Variants in FILIP1 observed in about 807,000 individuals in gnomAD.
The protein encoded by FILIP1 is filamin-A-interacting protein 1.
A neutral mutation model predicts 102.1 loss-of-function variants in FILIP1; 61 were observed. The ratio of observed to expected loss-of-function variants is 0.60; its 90% CI spans 0.49 to 0.74. FILIP1 has a LOEUF of 0.74. Ranked by LOEUF, FILIP1 falls within the 30% of genes least tolerant of loss-of-function variation. The pLI is 0.00. For synonymous variants in FILIP1, 491 were observed against 526.9 expected, an observed-to-expected ratio of 0.93 and a Z score of 0.93; for missense variants, 1,314 against 1,441.2, an observed-to-expected ratio of 0.91 and a Z score of 1.43.
downstream of FILIP1, among the ~76,000 whole-genome samples, chr6:75,307,280 G>A (rs749384949): frequency 1.3e-5 from 2 of 152,106 alleles, no homozygotes; most frequent in African/African-American, 2.4e-5. Flanking sequence ...GAAGAGCTTC[G>A]TTATCATGAA....
intron 2 of FILIP1, among the ~76,000 whole-genome samples, chr6:75,388,110 G>T (rs181855308): frequency 1.3e-5 from 2 of 152,104 alleles, no homozygotes; most frequent in Admixed American, 1.3e-4. Context: ...TGGCTAGCCC[G>T]TTTTCCCAAC....
chr6:75,310,734 G>A (rs2149543695), intron 5 of FILIP1, among the ~76,000 whole-genome samples: 1 of 152,274 alleles, frequency 6.6e-6, no homozygotes. Context: ...GCAGCAGAAA[G>A]AAGCAAAACC....
At chr6:75,482,884 G>T (rs1036412714) in intron 1 of FILIP1, among the ~76,000 whole-genome samples, 5 of 152,122 alleles carry the variant, frequency 3.3e-5, no homozygotes, top group African/African-American at 9.7e-5. Flanking sequence ...AACAGTTATT[G>T]AGTACTTGTT....
At chr6:75,406,172 T>C (rs1776837596) in intron 2 of FILIP1, among the ~76,000 whole-genome samples, 1 of 152,188 alleles carries the variant, frequency 6.6e-6, no homozygotes, top group Admixed American at 6.5e-5. Context: ...TACATCGCTC[T>C]ACTCCCCTGG....
chr6:75,310,183 G>A (rs906496928), intron 5 of FILIP1, among the ~76,000 whole-genome samples: 1 of 152,190 alleles, frequency 6.6e-6, no homozygotes, highest in African/African-American at 2.4e-5. Flanking sequence ...TCGTGCCTTC[G>A]CACATGCTGT....
chr6:75,364,291 T>C (rs534464458), intron 2 of FILIP1, among the ~76,000 whole-genome samples: 10 of 152,196 alleles, frequency 6.6e-5, no homozygotes, highest in Non-Finnish European at 1.5e-4. Flanking sequence ...TGAAAGAAGA[T>C]AAGCACAGAT....
intron 1 of FILIP1, among the ~76,000 whole-genome samples, chr6:75,463,389 C>T (rs939830374): frequency 8.6e-5 from 13 of 152,032 alleles, no homozygotes; most frequent in African/African-American, 2.2e-4. Flanking sequence ...TGTGTAGTGG[C>T]GGTAAAACTA....
chr6:75,404,004 C>T (rs1776748407), intron 2 of FILIP1, among the ~76,000 whole-genome samples: 2 of 152,134 alleles, frequency 1.3e-5, no homozygotes, highest in African/African-American at 4.8e-5. Context: ...AGCCAATGTC[C>T]TAACTTCACC....
chr6:75,376,456 T>G (rs1352217845), intron 2 of FILIP1, among the ~76,000 whole-genome samples: 1 of 152,166 alleles, frequency 6.6e-6, no homozygotes, highest in Non-Finnish European at 1.5e-5. Context: ...GTCAAACAAA[T>G]TATAGCTCTT....
chr6:75,334,094 G>C (rs935881265), intron 4 of FILIP1, among the ~76,000 whole-genome samples: 1 of 151,992 alleles, frequency 6.6e-6, no homozygotes, highest in Non-Finnish European at 1.5e-5. Context: ...ACAAACCTTT[G>C]GGAAGAATAT....
chr6:75,358,252 G>T (rs1775067344), intron 3 of FILIP1: 3 of 152,152 alleles, frequency 2.0e-5, no homozygotes, highest in Admixed American at 2.0e-4. Context: ...AAGTATTAAG[G>T]AATTGGGGAA....
intron 3 of FILIP1, among the ~76,000 whole-genome samples, chr6:75,355,202 G>GA (rs1204861328): frequency 1.3e-5 from 2 of 151,904 alleles, no homozygotes; most frequent in East Asian, 3.9e-4. Context: ...GGCCGAGGCA[G>GA]AAAAATCGCT....
chr6:75,409,343 T>C (rs1021147391), intron 2 of FILIP1, among the ~76,000 whole-genome samples: 6 of 152,164 alleles, frequency 3.9e-5, no homozygotes, highest in Non-Finnish European at 5.9e-5. Flanking sequence ...AAAGGCGCCT[T>C]AGAGTTCTAA....
intron 1 of FILIP1, among the ~76,000 whole-genome samples, chr6:75,425,166 T>A (rs1022683884): frequency 6.6e-6 from 1 of 152,094 alleles, no homozygotes; most frequent in Non-Finnish European, 1.5e-5. Flanking sequence ...CTAAAACACA[T>A]CCTGTGAATG....
intron 2 of FILIP1, chr6:75,385,707 G>A (rs1776070829): frequency 6.6e-6 from 1 of 152,036 alleles, no homozygotes; most frequent in Non-Finnish European, 1.5e-5. Context: ...ATCTTCTTGA[G>A]GGAAGATGTT....
intron 4 of FILIP1, among the ~76,000 whole-genome samples, chr6:75,317,222 G>C (rs1030156508): frequency 9.2e-5 from 14 of 152,070 alleles, no homozygotes; most frequent in African/African-American, 3.4e-4. Context: ...AAAGAGGGAG[G>C]GATATTAACC....
downstream of FILIP1, among the ~76,000 whole-genome samples, chr6:75,303,771 G>GAA (rs1486552146): frequency 1.3e-5 from 2 of 151,774 alleles, no homozygotes; most frequent in African/African-American, 2.4e-5. Context: ...GAGAGAGAGA[G>GAA]AAAGAGAGAG....
At chr6:75,327,535 AAT>A (rs1287997806) in intron 4 of FILIP1, among the ~76,000 whole-genome samples, 2 of 147,192 alleles carry the variant, frequency 1.4e-5, no homozygotes, top group Admixed American at 6.9e-5. Flanking sequence ...TTTGTGTGTG[AAT>A]ATATATATAT....
chr6:75,406,253 C>G (rs970720965), intron 2 of FILIP1, among the ~76,000 whole-genome samples: 1 of 152,088 alleles, frequency 6.6e-6, no homozygotes, highest in Non-Finnish European at 1.5e-5. Context: ...ATGGAGGTGT[C>G]GTTTTACCTC....
Sources: gnomAD v4.1 joint callset for allele counts (sites outside exome capture counted in the v4.1 genomes callset) on GRCh38, gnomAD v4.1.1 for gene constraint, MANE v1.5 for transcripts, NCBI Gene and HGNC (gene_info 2026-07-23, HGNC 2026-07-21) for gene names.